The following ADARB2 variants were observed in gnomAD, a reference collection of about 807,000 sequenced individuals.
ADARB2 encodes the protein inactive double-stranded RNA-specific editase B2.
In ADARB2, 25 loss-of-function variants were observed where a neutral mutation model predicts 62.2. That is an observed-to-expected ratio of 0.40 (90% CI 0.29 to 0.56). The LOEUF (loss-of-function observed/expected upper bound fraction) is 0.56. Among genes scored for constraint, ADARB2 ranks in the 20% least tolerant of loss-of-function variants. The pLI is 0.43. For synonymous variants in ADARB2, 572 were observed against 500.8 expected, an observed-to-expected ratio of 1.14 and a Z score of -1.90; for missense variants, 1,071 against 1,077.4, an observed-to-expected ratio of 0.99 and a Z score of 0.08.
intron 1 of ADARB2, among the ~76,000 whole-genome samples, chr10:1,622,904 C>T (rs1397532408): frequency 6.6e-6 from 1 of 152,150 alleles, no homozygotes; most frequent in Non-Finnish European, 1.5e-5. Context: ...TCATAACAAG[C>T]AAGAGCTGAT....
chr10:1,414,147 T>C (rs905040849), intron 1 of ADARB2, among the ~76,000 whole-genome samples: 1 of 152,208 alleles, frequency 6.6e-6, no homozygotes, highest in Non-Finnish European at 1.5e-5. Flanking sequence ...TGTCCTGGAA[T>C]TGCTCAACCT....
chr10:1,391,340 A>C (rs1472778844), intron 1 of ADARB2, among the ~76,000 whole-genome samples: 1 of 152,162 alleles, frequency 6.6e-6, no homozygotes, highest in Non-Finnish European at 1.5e-5. Flanking sequence ...TTGCTTGTTG[A>C]AACTGTGCTA....
rs77433799 is a variant in ADARB2 at position 1,368,187 on chromosome 10, G to A, written c.188-4270C>T. ...GCTCTGCTCCATCGTCCAGGGGTAC[G>A]TGACCCTGGGCAAGTCACTCAGTCT... On this transcript the variant is annotated intron_variant, in intron 2 of 9. Coordinates refer to ENST00000381312, the MANE Select transcript of ADARB2 (RefSeq NM_018702.4). Among the ~76,000 whole-genome samples, 1,098 of 150,338 alleles carry A rather than the reference G, an allele frequency of 7.3e-3. 17 individuals carry two copies. Among genetic ancestry groups the A allele is most frequent in the African/African-American group, 0.024 (977 of 41,396 alleles).
intron 1 of ADARB2, among the ~76,000 whole-genome samples, chr10:1,503,030 T>G (rs906829460): frequency 6.6e-6 from 1 of 152,152 alleles, no homozygotes; most frequent in East Asian, 1.9e-4. Context: ...GGAATAGCAA[T>G]GAGATTAACC....
intron 1 of ADARB2, among the ~76,000 whole-genome samples, chr10:1,616,129 T>A (rs905643821): frequency 1.3e-5 from 2 of 152,200 alleles, no homozygotes; most frequent in African/African-American, 4.8e-5. Context: ...CTGTGTTTTA[T>A]GTTGACTAAT....
intron 1 of ADARB2, among the ~76,000 whole-genome samples, chr10:1,689,304 AG>A (rs779581281): frequency 1.3e-5 from 2 of 152,208 alleles, no homozygotes; most frequent in Non-Finnish European, 2.9e-5. Context: ...GGAAGATTGT[AG>A]GTGAGTTACC....
At chr10:1,288,907 T>C (rs993881689) in intron 3 of ADARB2, among the ~76,000 whole-genome samples, 1 of 152,162 alleles carries the variant, frequency 6.6e-6, no homozygotes, top group Non-Finnish European at 1.5e-5. Flanking sequence ...ACCATCCAAA[T>C]GGACCCCTCT....
intron 1 of ADARB2, among the ~76,000 whole-genome samples, chr10:1,427,480 A>G (rs1171866874): frequency 6.6e-6 from 1 of 152,258 alleles, no homozygotes; most frequent in South Asian, 2.1e-4. Context: ...AAGATGTTCA[A>G]TGTCATTAGC....
intron 1 of ADARB2, among the ~76,000 whole-genome samples, chr10:1,615,122 T>G (rs976289143): frequency 2.0e-5 from 3 of 152,200 alleles, no homozygotes; most frequent in African/African-American, 7.2e-5. Context: ...TTTATTTTTT[T>G]GCTATTAGAA....
chr10:1,650,531 C>T (rs1048175541), intron 1 of ADARB2, among the ~76,000 whole-genome samples: 3 of 152,146 alleles, frequency 2.0e-5, no homozygotes, highest in East Asian at 1.9e-4. Flanking sequence ...CCAGTCTTGG[C>T]GAACTTCACA....
chr10:1,363,678 G>C lies in ADARB2; in HGVS notation c.427C>G (p.Arg143Gly), dbSNP rs377136355. 14 of 1,610,976 alleles carry C rather than the reference G, an allele frequency of 8.7e-6. No homozygotes were observed. Among genetic ancestry groups the C allele is most frequent in the Middle Eastern group, 1.6e-4 (1 of 6,072 alleles). The change falls in exon 3 of 10, where the codon CGG (arginine) becomes GGG (glycine). Residue 143 changes from arginine (R) to glycine (G), a missense_variant. Physicochemically the swap from Arg to Gly is moderately radical, Grantham distance 125 (BLOSUM62 -2). Coordinates refer to ENST00000381312, the MANE Select transcript of ADARB2 (RefSeq NM_018702.4). ...ACCGGGCCCGTCTGCGACACTGTCC[G>C]GTACTGCAGGCCCGGCCTCAGCTCG... The part of the protein sequence containing the change: ...LHELRPGLQY[R>G]TVSQTGPVHA...
intron 3 of ADARB2, among the ~76,000 whole-genome samples, chr10:1,320,427 G>GT (rs1831784779): frequency 6.6e-6 from 1 of 152,202 alleles, no homozygotes; most frequent in Non-Finnish European, 1.5e-5. Flanking sequence ...TTTTAGGGGT[G>GT]TTGGGCTTAC....
At chr10:1,399,701 A>G (rs1832646402) in intron 1 of ADARB2, among the ~76,000 whole-genome samples, 1 of 152,278 alleles carries the variant, frequency 6.6e-6, no homozygotes, top group Non-Finnish European at 1.5e-5. Flanking sequence ...GGGTTTTTGT[A>G]ATATTATTTG....
rs140101542 is a variant in ADARB2 at position 1,244,744 on chromosome 10, T to A, written c.1193-2445A>T. Among the ~76,000 whole-genome samples the A allele has an allele frequency of 3.1e-3, 467 of 151,798 alleles. 3 individuals carry two copies. The highest frequency in any genetic ancestry group is 4.1e-3 in the Non-Finnish European group (279 of 67,928). On this transcript the variant is annotated intron_variant, in intron 4 of 9. Transcript: ENST00000381312. ...ACATGGAATGTCACCAGCATGACAG[T>A]GAGGGAGGAAAAGGGAGAGACGGAC...
At chr10:1,447,393 A>G (rs1316550802) in intron 1 of ADARB2, among the ~76,000 whole-genome samples, 3 of 152,210 alleles carry the variant, frequency 2.0e-5, no homozygotes, top group Non-Finnish European at 4.4e-5. Flanking sequence ...GGCTCATGGC[A>G]GGTAACAACC....
chr10:1,333,467 C>T (rs1831947033), intron 3 of ADARB2, among the ~76,000 whole-genome samples: 1 of 152,214 alleles, frequency 6.6e-6, no homozygotes, highest in Non-Finnish European at 1.5e-5. Flanking sequence ...TCAACCACCA[C>T]ATGAAACTGC....
chr10:1,244,923 G>T (rs923668780), intron 4 of ADARB2, among the ~76,000 whole-genome samples: 2 of 152,224 alleles, frequency 1.3e-5, no homozygotes, highest in Non-Finnish European at 2.9e-5. Context: ...GATGTGTGTG[G>T]GAAAGTGGCG....
intron 1 of ADARB2, among the ~76,000 whole-genome samples, chr10:1,518,089 T>C (rs1832028597): frequency 6.6e-6 from 1 of 152,172 alleles, no homozygotes; most frequent in Non-Finnish European, 1.5e-5. Flanking sequence ...CAGGCGATAT[T>C]TGTTACTTTG....
chr10:1,676,330 G>A (rs1385651298), intron 1 of ADARB2, among the ~76,000 whole-genome samples: 1 of 152,112 alleles, frequency 6.6e-6, no homozygotes, highest in African/African-American at 2.4e-5. Context: ...TGAGTGAATG[G>A]TCAAGGCTTC....
Sources: gnomAD v4.1 joint callset for allele counts (sites outside exome capture counted in the v4.1 genomes callset) on GRCh38, gnomAD v4.1.1 for gene constraint, MANE v1.5 for transcripts, NCBI Gene and HGNC (gene_info 2026-07-23, HGNC 2026-07-21) for gene names.